Variants in RGS20 observed in about 807,000 individuals in gnomAD.
RGS20 encodes regulator of G protein signaling 20, also known as gz-selective GTPase-activating protein.
In RGS20, 30 loss-of-function variants were observed where a neutral mutation model predicts 33.6. That is an observed-to-expected ratio of 0.89 (90% confidence interval 0.67 to 1.21). The LOEUF is 1.21. Ranked by LOEUF, RGS20 falls within the 50% of genes most tolerant of loss-of-function variation. The pLI, the probability that RGS20 is intolerant of heterozygous loss-of-function variation, is 0.00. For synonymous variants in RGS20, 208 were observed against 197.9 expected (o/e 1.05, Z -0.43); for missense variants, 472 against 502.4 (o/e 0.94, Z 0.58).
At chr8:53,895,558 A>G (rs7005604) in intron 2 of RGS20, among the ~76,000 whole-genome samples, 18,465 of 152,136 alleles carry the variant, frequency 0.12, 3,433 homozygotes, top group African/African-American at 0.4. Context: ...TGTTTATGAC[A>G]GGGGTCAGCA....
At chr8:53,881,381 C>G (rs1179964569) in intron 2 of RGS20, among the ~76,000 whole-genome samples, 4 of 152,138 alleles carry the variant, frequency 2.6e-5, no homozygotes, top group African/African-American at 9.7e-5. Flanking sequence ...GCGTCGGTGT[C>G]TTGGTGGGGA....
rs547956926 is a variant in RGS20, at chr8:53,888,558, C to A, written c.510+8956C>A. On this transcript the variant is annotated intron_variant, in intron 2 of 5. Coordinates refer to ENST00000297313, the MANE Select transcript of RGS20 (RefSeq NM_170587.4). Reference sequence around the variant, plus strand: ...TGTTTAGCAGTATCCCTGATCTCCACCCACTGCATGATGCAGTAGCGCCCC... The same window carrying A: ...TGTTTAGCAGTATCCCTGATCTCCAACCACTGCATGATGCAGTAGCGCCCC... 2.3e-4 allele frequency among the ~76,000 whole-genome samples: 35 copies of A among 152,270 alleles called. 1 individual carries two copies. In the South Asian group the frequency reaches 7.0e-3, roughly 31 times the overall value.
At chr8:53,899,395 T>C (rs1242364936) in intron 2 of RGS20, among the ~76,000 whole-genome samples, 2 of 152,258 alleles carry the variant, frequency 1.3e-5, no homozygotes, top group Non-Finnish European at 2.9e-5. Flanking sequence ...CCTGCATTTC[T>C]GTACTTTTTG....
chr8:53,937,864 G>C (rs1056397227), intron 2 of RGS20, among the ~76,000 whole-genome samples: 45 of 152,138 alleles, frequency 3.0e-4, no homozygotes, highest in African/African-American at 1.1e-3. Flanking sequence ...GAATGGCAAT[G>C]ATTAAAAAGT....
chr8:53,864,419 C>T (rs578001364), intron 1 of RGS20, among the ~76,000 whole-genome samples: 20 of 121,824 alleles, frequency 1.6e-4, no homozygotes, highest in Admixed American at 3.0e-4. Flanking sequence ...GGCGATAGAG[C>T]AAGACTCCAT....
chr8:53,910,824 C>T (rs1429849796), intron 2 of RGS20, among the ~76,000 whole-genome samples: 1 of 152,146 alleles, frequency 6.6e-6, no homozygotes, highest in African/African-American at 2.4e-5. Flanking sequence ...GAAGCCCAGA[C>T]TCCAAACAAT....
At chr8:53,948,218 T>C (rs1019477674) in intron 4 of RGS20, among the ~76,000 whole-genome samples, 21 of 137,792 alleles carry the variant, frequency 1.5e-4, no homozygotes, top group African/African-American at 5.5e-4. Flanking sequence ...TATAAGATAG[T>C]ATATATATTT....
intron 1 of RGS20, among the ~76,000 whole-genome samples, chr8:53,872,263 TG>T (rs1244792978): frequency 3.9e-5 from 6 of 152,158 alleles, no homozygotes; most frequent in Non-Finnish European, 7.4e-5. Context: ...TTCCTACCCT[TG>T]CCCCCTCCCC....
intron 5 of RGS20, among the ~76,000 whole-genome samples, chr8:53,955,578 G>A (rs115902561): frequency 7.2e-5 from 11 of 152,160 alleles, no homozygotes; most frequent in Admixed American, 5.9e-4. Flanking sequence ...TTCTGTAATC[G>A]CAGCATTTTG....
intron 2 of RGS20, among the ~76,000 whole-genome samples, chr8:53,899,766 A>G (rs73680358): frequency 0.024 from 3,730 of 152,306 alleles, 94 homozygotes; most frequent in African/African-American, 0.065. Flanking sequence ...AAAGAGAAGA[A>G]AAACTTGGTG....
At chr8:53,922,409 C>A (rs1160694063) in intron 2 of RGS20, among the ~76,000 whole-genome samples, 1 of 152,062 alleles carries the variant, frequency 6.6e-6, no homozygotes, top group Non-Finnish European at 1.5e-5. Flanking sequence ...TAAAGTATGT[C>A]TCTTGTAGAC....
chr8:53,931,294 C>A (rs1813952068), intron 2 of RGS20, among the ~76,000 whole-genome samples: 1 of 152,172 alleles, frequency 6.6e-6, no homozygotes, highest in South Asian at 2.1e-4. Flanking sequence ...CAGTGGCTCA[C>A]GCCTGTAATC....
chr8:53,949,074 G>A lies in RGS20; in HGVS notation c.743+2326G>A, dbSNP rs1169309499. Reference sequence around the variant, plus strand: ...TAAGATACAGTATATATTTATATATGCTATATAAGATACAGTATATATTTA... The same window carrying A: ...TAAGATACAGTATATATTTATATATACTATATAAGATACAGTATATATTTA... On this transcript the variant is annotated intron_variant, in intron 4 of 5. Transcript: ENST00000297313. Among the ~76,000 whole-genome samples, 19 of 19,846 alleles carry A rather than the reference G, an allele frequency of 9.6e-4. 7 individuals carry two copies. The highest frequency in any genetic ancestry group is 5.2e-3 in the African/African-American group (12 of 2,324). The allele number at this position is 19,846 out of a possible 152,430, so 13.0% of individuals were successfully genotyped here.
At chr8:53,930,997 A>G (rs1813943090) in intron 2 of RGS20, among the ~76,000 whole-genome samples, 1 of 152,172 alleles carries the variant, frequency 6.6e-6, no homozygotes, top group East Asian at 1.9e-4. Context: ...GGTGAGGTGA[A>G]GACGTGATCC....
At chr8:53,875,359 G>C (rs1371812287) in intron 1 of RGS20, among the ~76,000 whole-genome samples, 5 of 144,578 alleles carry the variant, frequency 3.5e-5, no homozygotes, top group African/African-American at 1.0e-4. Flanking sequence ...TTGAACCCAG[G>C]AGGTGGAGGT....
At chr8:53,880,906 C>T (rs1186529067) in intron 2 of RGS20, 1 of 1,529,856 alleles carries the variant, frequency 6.5e-7, no homozygotes, top group African/African-American at 1.4e-5. Context: ...GAGAAGAGGG[C>T]TAGAGCAAAG....
intron 2 of RGS20, among the ~76,000 whole-genome samples, chr8:53,889,761 G>A (rs976780924): frequency 8.6e-5 from 13 of 150,952 alleles, no homozygotes; most frequent in Admixed American, 2.0e-4. Flanking sequence ...GTGTGTGCAC[G>A]TGCTGCAAAT....
chr8:53,861,381 C>T (rs73680333), intron 1 of RGS20, among the ~76,000 whole-genome samples: 299 of 152,288 alleles, frequency 2.0e-3, no homozygotes, highest in African/African-American at 6.7e-3. Flanking sequence ...GATAAACACC[C>T]ACACTAATAA....
chr8:53,887,584 A>C (rs538392569), intron 2 of RGS20, among the ~76,000 whole-genome samples: 29 of 152,354 alleles, frequency 1.9e-4, no homozygotes, highest in African/African-American at 6.7e-4. Context: ...GAGCAGCCCA[A>C]GAGCACACGC....
Sources: allele counts gnomAD v4.1 joint callset (sites outside exome capture counted in the v4.1 genomes callset), GRCh38; gene constraint gnomAD v4.1.1; transcripts MANE v1.5; gene names NCBI Gene and HGNC (gene_info 2026-07-23, HGNC 2026-07-21).